The following CAST variants were observed in gnomAD, a reference collection of about 807,000 sequenced individuals.
CAST encodes MIR583 host.
A neutral mutation model predicts 119.6 loss-of-function variants in CAST; 76 were observed. That is an observed-to-expected ratio of 0.64 (90% CI 0.53 to 0.77). The LOEUF (loss-of-function observed/expected upper bound fraction) is 0.77, where lower values mean the gene tolerates loss of function less well. Ranked by LOEUF, CAST falls within the 30% of genes least tolerant of loss-of-function variation. CAST has a pLI of 0.00. For synonymous variants in CAST, 319 were observed against 331.6 expected (o/e 0.96, Z 0.41); for missense variants, 953 against 946.5 (o/e 1.01, Z -0.09).
the CAST span, among the ~76,000 whole-genome samples, chr5:96,283,739 G>A: frequency 6.6e-6 from 1 of 152,154 alleles, no homozygotes; most frequent in Non-Finnish European, 1.5e-5. Context: ...CCCAGAACGT[G>A]GCCTTATACC....
At chr5:96,249,421 G>T in the CAST span, among the ~76,000 whole-genome samples, 1 of 152,134 alleles carries the variant, frequency 6.6e-6, no homozygotes, top group Non-Finnish European at 1.5e-5. Context: ...TTTGGCAAAG[G>T]ACATAATAAT....
At chr5:96,328,860 A>T in the CAST span, among the ~76,000 whole-genome samples, 1 of 152,014 alleles carries the variant, frequency 6.6e-6, no homozygotes, top group Non-Finnish European at 1.5e-5. Context: ...TTATTTCCAG[A>T]CCCCTCCAGT....
At chr5:96,350,671 T>C in the CAST span, among the ~76,000 whole-genome samples, 1 of 152,124 alleles carries the variant, frequency 6.6e-6, no homozygotes, top group African/African-American at 2.4e-5. Flanking sequence ...CTTAGTGATT[T>C]TGGGGTCCCG....
chr5:96,420,847 T>A, the CAST span, among the ~76,000 whole-genome samples: 2 of 151,122 alleles, frequency 1.3e-5, no homozygotes, highest in Non-Finnish European at 3.0e-5. Context: ...TGGGTAACAG[T>A]CCAAGAGACA....
the CAST span, chr5:96,423,331 C>T: frequency 5.0e-6 from 8 of 1,611,114 alleles, no homozygotes; most frequent in Middle Eastern, 1.6e-4. Flanking sequence ...CATAAATGTC[C>T]GTGTGATTCC....
chr5:96,507,326 C>T, the CAST span, among the ~76,000 whole-genome samples: 3 of 152,288 alleles, frequency 2.0e-5, no homozygotes, highest in Non-Finnish European at 2.9e-5. Context: ...TGAGCTTCAT[C>T]CAAATCTGTG....
At chr5:96,194,695 A>G in the CAST span, among the ~76,000 whole-genome samples, 2 of 152,228 alleles carry the variant, frequency 1.3e-5, no homozygotes, top group African/African-American at 2.4e-5. Flanking sequence ...AGAAAGTACA[A>G]TCTTTTAGAT....
the CAST span, among the ~76,000 whole-genome samples, chr5:96,360,055 C>A: frequency 6.6e-6 from 1 of 151,910 alleles, no homozygotes; most frequent in African/African-American, 2.4e-5. Flanking sequence ...TTTCTATAAC[C>A]TTGTCTTCAC....
At chr5:96,098,259 T>C in the CAST span, among the ~76,000 whole-genome samples, 1 of 152,234 alleles carries the variant, frequency 6.6e-6, no homozygotes, top group African/African-American at 2.4e-5. Flanking sequence ...AAATATTTTC[T>C]CCCATTCTGT....
chr5:96,170,880 G>C, the CAST span, among the ~76,000 whole-genome samples: 2 of 152,210 alleles, frequency 1.3e-5, no homozygotes, highest in African/African-American at 4.8e-5. Flanking sequence ...GACTGGGTGT[G>C]AGGAGGAGAG....
At chr5:96,156,519 A>T in the CAST span, among the ~76,000 whole-genome samples, 1 of 152,218 alleles carries the variant, frequency 6.6e-6, no homozygotes, top group Non-Finnish European at 1.5e-5. Context: ...TAGAGGAGGA[A>T]TATGAATGTT....
chr5:95,995,204 G>A, the CAST span, among the ~76,000 whole-genome samples: 1 of 147,958 alleles, frequency 6.8e-6, no homozygotes, highest in Admixed American at 6.6e-5. Context: ...TATAACTGCT[G>A]ACATTTTTAT....
intron 3 of CAST, among the ~76,000 whole-genome samples, chr5:96,702,386 G>C (rs1263321854): frequency 6.6e-6 from 1 of 151,958 alleles, no homozygotes; most frequent in East Asian, 1.9e-4. Context: ...TAAAGTAATC[G>C]GGTAGAATTC....
At chr5:96,186,878 A>T in the CAST span, among the ~76,000 whole-genome samples, 5 of 152,154 alleles carry the variant, frequency 3.3e-5, no homozygotes, top group East Asian at 9.6e-4. Flanking sequence ...TGAGTTAGGG[A>T]GGAGTCCCTC....
the CAST span, among the ~76,000 whole-genome samples, chr5:96,262,635 T>G: frequency 3.9e-5 from 6 of 152,174 alleles, no homozygotes; most frequent in Admixed American, 3.9e-4. Flanking sequence ...GTTCATGCCA[T>G]TCTCCTGCCT....
At chr5:96,511,950 C>A in the CAST span, among the ~76,000 whole-genome samples, 2 of 152,216 alleles carry the variant, frequency 1.3e-5, no homozygotes, top group African/African-American at 2.4e-5. Context: ...AGAAAGCCTT[C>A]TCAAAAGGAA....
chr5:96,534,572 G>C (rs1223595103), intron 1 of CAST, among the ~76,000 whole-genome samples: 2 of 151,390 alleles, frequency 1.3e-5, no homozygotes, highest in Non-Finnish European at 1.5e-5. Context: ...AGGAGGCTGA[G>C]GCAGGAGAAT....
At chr5:96,420,787 A>AG in the CAST span, among the ~76,000 whole-genome samples, 9 of 143,444 alleles carry the variant, frequency 6.3e-5, no homozygotes, top group African/African-American at 1.0e-4. Flanking sequence ...GAGAGAGAGA[A>AG]AGAGAGAGAG....
At chr5:96,657,995 G>A (rs935604066), upstream of CAST, among the ~76,000 whole-genome samples, 7 of 152,132 alleles carry the variant, frequency 4.6e-5, no homozygotes, top group Non-Finnish European at 7.4e-5. Context: ...TACTCAGGAG[G>A]CTGAGAGGCA....
Sources: allele counts gnomAD v4.1 joint callset (sites outside exome capture counted in the v4.1 genomes callset), GRCh38; gene constraint gnomAD v4.1.1; transcripts MANE v1.5; gene names NCBI Gene and HGNC (gene_info 2026-07-23, HGNC 2026-07-21).